Variants in NRK observed in about 807,000 individuals in gnomAD.
NRK encodes the protein nik-related protein kinase.
Under a neutral mutation model 125.2 loss-of-function variants are expected in NRK, and 67 were observed. That is an observed-to-expected ratio of 0.54 (90% confidence interval 0.44 to 0.66). The LOEUF (loss-of-function observed/expected upper bound fraction) is 0.66. Ranked by LOEUF, NRK falls within the 30% of genes least tolerant of loss-of-function variation. NRK has a pLI of 0.00. For synonymous variants in NRK, 458 were observed against 429.0 expected (o/e 1.07, Z -0.84); for missense variants, 1,224 against 1,192.9 (o/e 1.03, Z -0.38).
intron 23 of NRK, among the ~76,000 whole-genome samples, chrX:105,940,766 C>A (rs894104474): frequency 9.0e-6 from 1 of 111,589 alleles, no homozygotes; most frequent in African/African-American, 3.3e-5. Flanking sequence ...GTACTCTCAG[C>A]CTTCTTTTGC....
chrX:105,918,881 C>CT (rs750582869), intron 16 of NRK, among the ~76,000 whole-genome samples: 1 of 107,426 alleles, frequency 9.3e-6, no homozygotes, highest in East Asian at 3.0e-4. Context: ...AAATTATATG[C>CT]TTCATTATGG....
intron 27 of NRK, among the ~76,000 whole-genome samples, chrX:105,951,838 G>C (rs2040902639): frequency 8.9e-6 from 1 of 112,250 alleles, no homozygotes; most frequent in Non-Finnish European, 1.9e-5. Context: ...CTATGTACTT[G>C]GACTCAGCAA....
chrX:105,835,958 C>T (rs1004173171), intron 2 of NRK, among the ~76,000 whole-genome samples: 3 of 111,691 alleles, frequency 2.7e-5, no homozygotes, highest in Non-Finnish European at 5.6e-5. Context: ...TAAATATATA[C>T]ACCTATTATG....
chrX:105,887,136 C>G (rs905396146), intron 4 of NRK, among the ~76,000 whole-genome samples: 7 of 112,113 alleles, frequency 6.2e-5, no homozygotes, highest in Non-Finnish European at 1.3e-4. Flanking sequence ...ACTATCAAGA[C>G]AGTGAGAAAA....
chrX:105,898,065 A>G (rs1305964475), intron 7 of NRK, among the ~76,000 whole-genome samples: 1 of 112,381 alleles, frequency 8.9e-6, no homozygotes, highest in African/African-American at 3.2e-5. Flanking sequence ...TAAGATGTAG[A>G]TACCACAGTA....
At chrX:105,919,319 C>G (rs1321261378) in intron 16 of NRK, among the ~76,000 whole-genome samples, 1 of 111,044 alleles carries the variant, frequency 9.0e-6, no homozygotes, top group African/African-American at 3.3e-5. Flanking sequence ...AGATTTTAAT[C>G]ACAGGGGTTA....
In NRK at chrX:105,940,979, T is replaced by A. The variant is rs181096182; in HGVS notation, c.3958+947T>A. 1.5e-3 allele frequency among the ~76,000 whole-genome samples: 163 copies of A among 111,843 alleles called. 2 individuals carry two copies. The highest frequency in any genetic ancestry group is 5.1e-3 in the African/African-American group (157 of 30,768). On this transcript the variant is annotated intron_variant, in intron 23 of 28. Transcript: ENST00000243300. ...ATACACCACTAAAGAGGGAAATGAG[T>A]ACCCAGATAATTTAAGCATTAAATA...
intron 8 of NRK, among the ~76,000 whole-genome samples, chrX:105,898,994 A>T (rs2040121691): frequency 9.0e-6 from 1 of 111,709 alleles, no homozygotes; most frequent in African/African-American, 3.3e-5. Context: ...TAAAAATATT[A>T]TATAATGTGG....
At chrX:105,900,501 C>A (rs1458763154) in intron 8 of NRK, 117 bp from the exon 9 acceptor site, 15 of 479,481 alleles carry the variant, frequency 3.1e-5, no homozygotes, top group Non-Finnish European at 5.5e-5. Flanking sequence ...TTATGGGAAA[C>A]CCATAAAAGA....
At chrX:105,841,718 T>A (rs1311992931) in intron 2 of NRK, among the ~76,000 whole-genome samples, 1 of 111,732 alleles carries the variant, frequency 8.9e-6, no homozygotes, top group Non-Finnish European at 1.9e-5. Context: ...AGACAGCTTT[T>A]CTTGACTCTG....
chrX:105,931,972 C>A (rs188441675), intron 19 of NRK, among the ~76,000 whole-genome samples: 1 of 111,135 alleles, frequency 9.0e-6, no homozygotes, highest in East Asian at 2.8e-4. Flanking sequence ...ATTTTTTTTA[C>A]CATCCCAAAC....
At chrX:105,844,188 T>G (rs954075307) in intron 2 of NRK, among the ~76,000 whole-genome samples, 23 of 110,416 alleles carry the variant, frequency 2.1e-4, no homozygotes, top group African/African-American at 7.6e-4. Context: ...TCTATAAGAG[T>G]TAGTGGTATA....
Position 105,935,259 on chromosome X carries a change from A to G in NRK, c.3589A>G (p.Lys1197Glu), listed in dbSNP as rs377206105. 1.2e-4 allele frequency: 145 copies of G among 1,195,398 alleles called. No individual in the cohort carries two copies. Among genetic ancestry groups the G allele is most frequent in the Non-Finnish European group, 1.6e-4 (139 of 882,868 alleles). Reference sequence around the variant, plus strand: ...CCCACTCTATGTCTCTCCTGCATGTAAAAAACCACTAATCCACATGTATGA... The same window carrying G: ...CCCACTCTATGTCTCTCCTGCATGTGAAAAACCACTAATCCACATGTATGA... ...VNPLYVSPAC[K>E]KPLIHMYEKE... Residue 1197 changes from lysine to glutamate, a missense_variant, in exon 21 of 29, where the codon AAA becomes GAA. Physicochemically the swap from Lys to Glu is moderately conservative, Grantham distance 56. Coordinates refer to ENST00000243300, the MANE Select transcript of NRK (RefSeq NM_198465.4).
chrX:105,842,069 T>A (rs908007547), intron 2 of NRK, among the ~76,000 whole-genome samples: 1 of 111,270 alleles, frequency 9.0e-6, no homozygotes, highest in African/African-American at 3.3e-5. Flanking sequence ...TCAACAGATA[T>A]AAACCAAAGT....
intron 6 of NRK, among the ~76,000 whole-genome samples, chrX:105,894,906 G>A (rs369702464): frequency 4.5e-5 from 5 of 112,145 alleles, no homozygotes; most frequent in African/African-American, 1.6e-4. Flanking sequence ...GGTTAGCCAG[G>A]TCATGGGTAA....
At chrX:105,951,950 A>G (rs1036177450) in intron 27 of NRK, among the ~76,000 whole-genome samples, 1 of 112,888 alleles carries the variant, frequency 8.9e-6, no homozygotes, top group East Asian at 2.8e-4. Context: ...TCAACTCTAG[A>G]TAGACTAGAT....
In NRK at chrX:105,922,026, T is replaced by G; in HGVS notation, c.2575T>G (p.Ser859Ala). ...GAGGTCTCAGTCATCACCACCTTAT[T>G]CTACTATTGATCAGAAGTTGCTGGT... is the stretch of plus-strand genomic sequence containing the variant. ...GRRSQSSPPYSTIDQKLLVDI... is the reference protein window; with the variant it reads ...GRRSQSSPPYATIDQKLLVDI... Residue 859 changes from serine to alanine, a missense_variant, in exon 17 of 29, where the codon TCT becomes GCT. Transcript: ENST00000243300. 8.6e-7 allele frequency: 1 copy of G among 1,166,959 alleles called. No individual in the cohort carries two copies. Among genetic ancestry groups the G allele is most frequent in the Non-Finnish European group, 1.2e-6 (1 of 856,720 alleles).
At chrX:105,826,485 G>A (rs1324860380) in intron 1 of NRK, among the ~76,000 whole-genome samples, 1 of 98,564 alleles carries the variant, frequency 1.0e-5, no homozygotes, top group African/African-American at 3.8e-5. Flanking sequence ...CTTTCACTAT[G>A]ACTATCCCCT....
chrX:105,852,951 C>T (rs1184702532), intron 2 of NRK, among the ~76,000 whole-genome samples: 1 of 111,804 alleles, frequency 8.9e-6, no homozygotes, highest in Non-Finnish European at 1.9e-5. Flanking sequence ...ATTACACTCT[C>T]GTGAACTTCA....
Sources: gnomAD v4.1 joint callset for allele counts (sites outside exome capture counted in the v4.1 genomes callset) on GRCh38, gnomAD v4.1.1 for gene constraint, MANE v1.5 for transcripts, NCBI Gene and HGNC (gene_info 2026-07-23, HGNC 2026-07-21) for gene names.